Variants in TMEM131 observed in about 807,000 individuals in gnomAD.
The protein encoded by TMEM131 is 2610524E03Rik.
A neutral mutation model predicts 211.6 loss-of-function variants in TMEM131; 66 were observed. The ratio of observed to expected loss-of-function variants is 0.31; its 90% CI spans 0.26 to 0.38. The LOEUF is 0.38. Among genes scored for constraint, TMEM131 ranks in the 10% least tolerant of loss-of-function variants. The pLI is 1.00. For missense variants in TMEM131, 2,036 were observed against 2,299.3 expected, an observed-to-expected ratio of 0.89 and a Z score of 2.34; for synonymous variants, 844 against 841.3, an observed-to-expected ratio of 1.00 and a Z score of -0.06.
intron 1 of TMEM131, among the ~76,000 whole-genome samples, chr2:97,983,178 T>C (rs973167421): frequency 6.6e-6 from 1 of 152,270 alleles, no homozygotes; most frequent in Admixed American, 6.5e-5. Flanking sequence ...AAAATTACTT[T>C]TGTTTTTTGT....
chr2:97,981,026 ACC>A (rs1491115265), intron 1 of TMEM131, among the ~76,000 whole-genome samples: 6 of 113,096 alleles, frequency 5.3e-5, no homozygotes, highest in Non-Finnish European at 9.1e-5. Context: ...AGAACTACAC[ACC>A]AAAAAAAAAA....
At chr2:97,788,917 G>A (rs1258610491) in intron 31 of TMEM131, among the ~76,000 whole-genome samples, 1 of 152,140 alleles carries the variant, frequency 6.6e-6, no homozygotes, top group Non-Finnish European at 1.5e-5. Flanking sequence ...CTTCTTGGTT[G>A]TAACTCTCTA....
At position 97,995,507 on chromosome 2, in the gene TMEM131, G is replaced by T. The variant is rs756202012; in HGVS notation, c.156C>A (p.Leu52=). Residue 52 remains leucine (L), a synonymous_variant, in exon 1 of 41, where the codon CTC becomes CTA. Coordinates refer to ENST00000186436, the MANE Select transcript of TMEM131 (RefSeq NM_015348.2). ...TCTCGGCCCGCGCCGCAGCCACTACGAGGGTCATCACCAGGTGCAGCGCGC... is the reference window on the plus strand; with the variant it reads ...TCTCGGCCCGCGCCGCAGCCACTACTAGGGTCATCACCAGGTGCAGCGCGC... ...LLGALHLVMT[L]VVAAARAEKE... The T allele has an allele frequency of 7.1e-7, 1 of 1,414,142 alleles. No individual in the cohort carries two copies. 87.6% of individuals were successfully genotyped at this position (1,414,142 alleles called of 1,614,324 possible). A position where few individuals can be genotyped will look rare whatever the true frequency, so the allele number is the denominator to read the frequency against.
intron 22 of TMEM131, among the ~76,000 whole-genome samples, 166 bp from the exon 23 acceptor site, chr2:97,802,956 T>C (rs1286802858): frequency 6.6e-6 from 1 of 152,234 alleles, no homozygotes; most frequent in East Asian, 1.9e-4. Flanking sequence ...ATATGATGTC[T>C]CTATATTGGT....
At chr2:97,949,278 A>G (rs1300892897) in intron 1 of TMEM131, among the ~76,000 whole-genome samples, 1 of 152,220 alleles carries the variant, frequency 6.6e-6, no homozygotes, top group Admixed American at 6.5e-5. Flanking sequence ...ATACTGTATG[A>G]TTCTGCTTAT....
At chr2:97,818,422 T>A (rs1681937176) in intron 12 of TMEM131, among the ~76,000 whole-genome samples, 191 bp downstream of exon 12, 1 of 128,372 alleles carries the variant, frequency 7.8e-6, no homozygotes, top group Non-Finnish European at 1.6e-5. Context: ...TGGTATTTTC[T>A]CTCATGAATC....
At chr2:97,766,740 G>C in intron 33 of TMEM131, 138 bp from the exon 34 acceptor site, 1 of 1,025,166 alleles carries the variant, frequency 9.8e-7, no homozygotes, top group Non-Finnish European at 1.4e-6. Flanking sequence ...ATCTACCCTT[G>C]GTCCTAACTC....
chr2:97,766,693 C>A lies in TMEM131; in HGVS notation c.4449-91G>T, dbSNP rs575726135. 5.2e-4 allele frequency: 769 copies of A among 1,491,562 alleles called. 18 individuals are homozygous for A. In the South Asian group the frequency reaches 8.7e-3, roughly 17 times the overall value. The allele number at this position is 1,491,562 out of a possible 1,614,324, so 92.4% of individuals were successfully genotyped here. A position where few individuals can be genotyped will look rare whatever the true frequency, so the allele number is the denominator to read the frequency against. On this transcript the variant is annotated intron_variant, in intron 33 of 40. Transcript: ENST00000186436. Reference sequence around the variant, plus strand: ...AGATTGTAATTCTTCTACAATACAACTGCATGCAGGAAGCTAATGTGGCTT... The same window carrying A: ...AGATTGTAATTCTTCTACAATACAAATGCATGCAGGAAGCTAATGTGGCTT...
intron 5 of TMEM131, among the ~76,000 whole-genome samples, chr2:97,845,514 G>T (rs924918574): frequency 6.6e-6 from 1 of 152,028 alleles, no homozygotes; most frequent in Non-Finnish European, 1.5e-5. Flanking sequence ...AGTAACAAGA[G>T]AAATTATAAA....
At chr2:97,793,209 TA>T in intron 30 of TMEM131, 185 bp downstream of exon 30, 1 of 664,042 alleles carries the variant, frequency 1.5e-6, no homozygotes. Flanking sequence ...CTTACCAATA[TA>T]ATAAAAACAC....
At chr2:97,900,605 G>A (rs527741082) in intron 3 of TMEM131, among the ~76,000 whole-genome samples, 45 of 151,774 alleles carry the variant, frequency 3.0e-4, no homozygotes, top group Middle Eastern at 3.4e-3. Flanking sequence ...CATTATCCAC[G>A]TGTCCACTGA....
chr2:97,985,348 A>G (rs1169476245), intron 1 of TMEM131, among the ~76,000 whole-genome samples: 1 of 140,146 alleles, frequency 7.1e-6, no homozygotes, highest in Non-Finnish European at 1.6e-5. Context: ...ATACAGTTTT[A>G]CTTAATACAT....
At chr2:97,782,022 G>C (rs1680031948) in intron 31 of TMEM131, among the ~76,000 whole-genome samples, 1 of 152,212 alleles carries the variant, frequency 6.6e-6, no homozygotes, top group South Asian at 2.1e-4. Flanking sequence ...CAGCATGCTG[G>C]CGATGGTGCT....
chr2:97,981,015 C>T, intron 1 of TMEM131, among the ~76,000 whole-genome samples: 1 of 42,926 alleles, frequency 2.3e-5, no homozygotes, highest in African/African-American at 8.6e-5. Context: ...CTGAAACTCA[C>T]AGAACTACAC....
intron 1 of TMEM131, among the ~76,000 whole-genome samples, chr2:97,960,315 G>C (rs906207475): frequency 2.0e-5 from 3 of 152,110 alleles, no homozygotes; most frequent in Non-Finnish European, 4.4e-5. Context: ...TTTACTAGAA[G>C]GCATTCTTTG....
chr2:97,772,502 C>T, intron 32 of TMEM131, 78 bp from the exon 33 acceptor site: 1 of 1,470,160 alleles, frequency 6.8e-7, no homozygotes. Flanking sequence ...GATACAGACA[C>T]AAAATCAAAG....
At chr2:97,932,409 C>G (rs1333613874) in intron 1 of TMEM131, among the ~76,000 whole-genome samples, 1 of 152,122 alleles carries the variant, frequency 6.6e-6, no homozygotes, top group Non-Finnish European at 1.5e-5. Context: ...TACAAGGGAA[C>G]TCATATAAAC....
intron 3 of TMEM131, among the ~76,000 whole-genome samples, chr2:97,888,815 T>TGTCAGAAATTCAGTCAGAAA (rs1203789677): frequency 6.6e-6 from 1 of 152,192 alleles, no homozygotes; most frequent in South Asian, 2.1e-4. Flanking sequence ...ATGCCTAAAG[T>TGTCAGAAATTCAGTCAGAAA]GTCAGAAATT....
chr2:97,917,797 A>T (rs1465560399), intron 2 of TMEM131, among the ~76,000 whole-genome samples: 2 of 152,144 alleles, frequency 1.3e-5, no homozygotes, highest in African/African-American at 2.4e-5. Context: ...GGTTCTAGCA[A>T]GCTTCAGTAT....
Sources: allele counts gnomAD v4.1 joint callset (sites outside exome capture counted in the v4.1 genomes callset), GRCh38; gene constraint gnomAD v4.1.1; transcripts MANE v1.5; gene names NCBI Gene and HGNC (gene_info 2026-07-23, HGNC 2026-07-21).